GAS2L3: variants seen among roughly 807,000 people sequenced by gnomAD.
GAS2L3 encodes growth arrest specific 2 like 3.
GAS2L3 carries 28 observed loss-of-function variants against 37.0 expected under a neutral mutation model. The observed-to-expected ratio is 0.76, with a 90% confidence interval of 0.56 to 1.04. The LOEUF is 1.04. GAS2L3 is among the 50% of genes least tolerant of loss of function. The pLI, the probability that GAS2L3 is intolerant of heterozygous loss-of-function variation, is 0.00. For synonymous variants in GAS2L3, 290 were observed against 296.6 expected, an observed-to-expected ratio of 0.98 and a Z score of 0.23; for missense variants, 793 against 817.6, an observed-to-expected ratio of 0.97 and a Z score of 0.37.
In GAS2L3 at chr12:100,624,506, C is replaced by T. The variant is rs757435785; in HGVS notation, c.1701C>T (p.Ser567=). 15 of 1,613,954 alleles carry T rather than the reference C, an allele frequency of 9.3e-6. No individual in the cohort carries two copies. The highest frequency in any genetic ancestry group is 1.3e-5 in the Non-Finnish European group (15 of 1,180,026). ...ALNLNQPVSV[S]SVSPVKATQK... ...ATTTAAATCAGCCAGTTTCTGTGTC[C>T]TCAGTTTCTCCTGTAAAAGCCACAC... Residue 567 remains serine, a synonymous_variant, in exon 10 of 10, where the codon TCC becomes TCT. Transcript: ENST00000547754.
At chr12:100,596,124 T>G (rs1432153576) in intron 3 of GAS2L3, among the ~76,000 whole-genome samples, 1 of 152,066 alleles carries the variant, frequency 6.6e-6, no homozygotes, top group African/African-American at 2.4e-5. Context: ...CTTTTCCTTT[T>G]GGGACTGGGG....
Position 100,622,279 on chromosome 12 carries a change from A to G in GAS2L3, c.653A>G (p.Lys218Arg), listed in dbSNP as rs750164470. The stretch of plus-strand genomic sequence containing the variant: ...TTTATTTGTTCGTCATCTTAGGTTA[A>G]ACATATTGCTGAGGACCCTCCTTGT... ...CRHEELHEAV[K>R]HIAEDPPCSC... is the part of the protein sequence containing the mutation. The change falls in exon 9 of 10, where the codon AAA becomes AGA. Residue 218 changes from lysine (K) to arginine (R), a missense_variant. Transcript: ENST00000547754. The G allele has an allele frequency of 2.6e-6, 4 of 1,558,326 alleles. No homozygotes were observed. The African/African-American group carries it at 5.4e-5, about 21-fold the overall frequency.
At chr12:100,576,741 A>G (rs895958737) in intron 1 of GAS2L3, among the ~76,000 whole-genome samples, 2 of 127,292 alleles carry the variant, frequency 1.6e-5, no homozygotes, top group African/African-American at 6.0e-5. Flanking sequence ...TTACATTGTT[A>G]CAGAGTAGGT....
chr12:100,578,709 G>C, intron 1 of GAS2L3: 1 of 430,678 alleles, frequency 2.3e-6, no homozygotes, highest in Non-Finnish European at 4.2e-6. Flanking sequence ...TCTTAACTGG[G>C]TTGCTCTAAG....
At chr12:100,595,100 G>A (rs1250727005) in intron 3 of GAS2L3, among the ~76,000 whole-genome samples, 178 bp downstream of exon 3, 1 of 151,654 alleles carries the variant, frequency 6.6e-6, no homozygotes, top group East Asian at 1.9e-4. Flanking sequence ...TCAATTCTAA[G>A]CTTTTGTTTA....
Position 100,578,984 on chromosome 12 carries a change from C to T in GAS2L3, c.-152+5199C>T, listed in dbSNP as rs531836606. On this transcript the variant is annotated intron_variant, in intron 1 of 9. Transcript: ENST00000547754. ...TGCTTATGGAAATCGAAAAGGCATC[C>T]GTTACCTCACTAATGACCTCAAAGT... The T allele has an allele frequency of 2.7e-5, 24 of 882,356 alleles. 1 individual carries two copies. Among genetic ancestry groups the T allele is most frequent in the African/African-American group, 9.8e-5 (6 of 60,956 alleles). 54.7% of individuals were successfully genotyped at this position (882,356 alleles called of 1,614,324 possible). A position where few individuals can be genotyped will look rare whatever the true frequency, so the allele number is the denominator to read the frequency against.
At position 100,599,052 on chromosome 12, in the gene GAS2L3, T is replaced by TG. The variant is rs1196294662; in HGVS notation, c.19-1329dup. Among the ~76,000 whole-genome samples the TG allele has an allele frequency of 5.9e-4, 90 of 152,308 alleles. 1 individual carries two copies. Among genetic ancestry groups the TG allele is most frequent in the Non-Finnish European group, 1.9e-4 (13 of 68,020 alleles). Reference sequence around the variant, plus strand: ...TTATCCTACTCAGGGCCTGACATCTTGCACAGGGCTGTCCCCATACCCGGA... The same window carrying TG: ...TTATCCTACTCAGGGCCTGACATCTTGGCACAGGGCTGTCCCCATACCCGGA... On this transcript the variant is annotated intron_variant, in intron 3 of 9. Transcript: ENST00000547754.
Position 100,627,240 on chromosome 12 carries a change from TAA to T in GAS2L3, c.*2353_*2354del, listed in dbSNP as rs1462360312. 1.3e-5 allele frequency among the ~76,000 whole-genome samples: 2 copies of T among 152,066 alleles called. No homozygotes were observed. The highest frequency in any genetic ancestry group is 1.5e-5 in the Non-Finnish European group (1 of 68,012). ...TTATATATAGCTTACCCTTCCAAAATAAAAGTGTTTTTTTAATGTTGTTTTGT... is the reference window on the plus strand; with the variant it reads ...TTATATATAGCTTACCCTTCCAAAATAAGTGTTTTTTTAATGTTGTTTTGT... On this transcript the variant is annotated 3_prime_UTR_variant, in exon 10 of 10. Transcript: ENST00000547754.
chr12:100,575,168 T>C (rs982754119), intron 1 of GAS2L3, among the ~76,000 whole-genome samples: 2 of 152,136 alleles, frequency 1.3e-5, no homozygotes, highest in African/African-American at 4.8e-5. Flanking sequence ...AAATTCCACG[T>C]AACTAATTTA....
At chr12:100,576,194 T>C (rs1009785805) in intron 1 of GAS2L3, among the ~76,000 whole-genome samples, 1 of 152,222 alleles carries the variant, frequency 6.6e-6, no homozygotes, top group Admixed American at 6.5e-5. Flanking sequence ...AAGTAGTATC[T>C]CCTCATTTAT....
intron 1 of GAS2L3, among the ~76,000 whole-genome samples, chr12:100,581,944 T>TA (rs1361895639): frequency 2.0e-5 from 3 of 152,220 alleles, no homozygotes; most frequent in African/African-American, 7.2e-5. Context: ...ACTTGCAAAT[T>TA]AAAATATTTT....
At chr12:100,579,523 T>C in intron 1 of GAS2L3, 1 of 774,168 alleles carries the variant, frequency 1.3e-6, no homozygotes, top group South Asian at 1.3e-5. Context: ...AATTTCATAA[T>C]TGGAGGAGAG....
At chr12:100,590,630 C>T (rs1373137194) in intron 1 of GAS2L3, among the ~76,000 whole-genome samples, 1 of 152,168 alleles carries the variant, frequency 6.6e-6, no homozygotes, top group Non-Finnish European at 1.5e-5. Context: ...TTTATAGCAG[C>T]AAGATTCACA....
Position 100,627,858 on chromosome 12 carries a change from CTTTTA to C in GAS2L3, c.*2978_*2982del, listed in dbSNP as rs1956346903. 1 of 152,086 alleles carries C rather than the reference CTTTTA, an allele frequency of 6.6e-6. No individual in the cohort carries two copies. Among genetic ancestry groups the C allele is most frequent in the African/African-American group, 2.4e-5 (1 of 41,400 alleles). The allele number at this position is 152,086 out of a possible 1,614,324, so 9.4% of individuals were successfully genotyped here. Reference sequence around the variant, plus strand: ...TGTACTTTCAAAAAAATGGAAAATGCTTTTATTTTATTTTCTATAATTTGTTAACA... The same window carrying C: ...TGTACTTTCAAAAAAATGGAAAATGCTTTTATTTTCTATAATTTGTTAACA... On this transcript the variant is annotated 3_prime_UTR_variant, in exon 10 of 10. Transcript: ENST00000547754.
chr12:100,595,565 C>T (rs887979686), intron 3 of GAS2L3, among the ~76,000 whole-genome samples: 1 of 151,644 alleles, frequency 6.6e-6, no homozygotes, highest in Non-Finnish European at 1.5e-5. Context: ...TGAATATTAA[C>T]TTAAAAATAA....
Position 100,591,795 on chromosome 12 carries a change from T to C in GAS2L3, c.-92T>C, listed in dbSNP as rs1332082835. On this transcript the variant is annotated 5_prime_UTR_variant, in exon 2 of 10. Transcript: ENST00000547754. ...CCAAAGTCATATAGCCAGTATTTTC[T>C]GGAGCTGTAATTCAAATCAGATGTG... 2 of 152,288 alleles carry C rather than the reference T, an allele frequency of 1.3e-5. No individual in the cohort carries two copies. The highest frequency in any genetic ancestry group is 4.8e-5 in the African/African-American group (2 of 41,578). The allele number at this position is 152,288 out of a possible 1,614,324, so 9.4% of individuals were successfully genotyped here. A position where few individuals can be genotyped will look rare whatever the true frequency, so the allele number is the denominator to read the frequency against.
chr12:100,616,921 T>G (rs1956194631), intron 6 of GAS2L3, among the ~76,000 whole-genome samples: 1 of 152,168 alleles, frequency 6.6e-6, no homozygotes, highest in Non-Finnish European at 1.5e-5. Flanking sequence ...ACTTGCAGTC[T>G]TTTACCTTTA....
intron 9 of GAS2L3, among the ~76,000 whole-genome samples, chr12:100,623,126 T>A (rs1477605576): frequency 6.6e-6 from 1 of 152,218 alleles, no homozygotes; most frequent in East Asian, 1.9e-4. Context: ...CAGAAACATT[T>A]GCATGCATTT....
chr12:100,594,757 A>T, intron 2 of GAS2L3, 118 bp from the exon 3 acceptor site: 1 of 379,172 alleles, frequency 2.6e-6, no homozygotes, highest in Non-Finnish European at 5.0e-6. Flanking sequence ...TAACTAGAAG[A>T]AAAAGTTTTG....
Sources: allele counts gnomAD v4.1 joint callset (sites outside exome capture counted in the v4.1 genomes callset), GRCh38; gene constraint gnomAD v4.1.1; transcripts MANE v1.5; gene names NCBI Gene and HGNC (gene_info 2026-07-23, HGNC 2026-07-21).